Variants in FOXP1 observed in about 807,000 individuals in gnomAD.
The protein encoded by FOXP1 is forkhead box P1.
Under a neutral mutation model 98.2 loss-of-function variants are expected in FOXP1, and 15 were observed. The ratio of observed to expected loss-of-function variants is 0.15; its 90% CI spans 0.10 to 0.24. The LOEUF is 0.24. Among genes scored for constraint, FOXP1 ranks in the 10% least tolerant of loss-of-function variants. FOXP1 has a pLI of 1.00. For synonymous variants in FOXP1, 371 were observed against 314.5 expected (o/e 1.18, Z -1.90); for missense variants, 633 against 848.5 (o/e 0.75, Z 3.15).
At chr3:71,397,031 TATGTGTATATATATATACAC>T (rs2081512654) in intron 3 of FOXP1, among the ~76,000 whole-genome samples, 1 of 101,746 alleles carries the variant, frequency 9.8e-6, no homozygotes, top group Non-Finnish European at 1.9e-5. Flanking sequence ...TATACATATA[TATGTGTATATATATATACAC>T]ATATATATGT....
chr3:70,989,854 G>A (rs2040336829), intron 13 of FOXP1, among the ~76,000 whole-genome samples: 1 of 152,042 alleles, frequency 6.6e-6, no homozygotes, highest in African/African-American at 2.4e-5. Flanking sequence ...CACTAAGTGT[G>A]GTATAAGGAA....
chr3:71,340,009 A>G, intron 4 of FOXP1, among the ~76,000 whole-genome samples: 1 of 152,232 alleles, frequency 6.6e-6, no homozygotes, highest in East Asian at 1.9e-4. Flanking sequence ...ACAATAATAA[A>G]AAGGCTGAAG....
chr3:71,529,197 A>G (rs1034795332), intron 2 of FOXP1, among the ~76,000 whole-genome samples: 6 of 152,226 alleles, frequency 3.9e-5, no homozygotes, highest in African/African-American at 1.2e-4. Context: ...GTGACTTGAC[A>G]AAAAGTTTTC....
intron 5 of FOXP1, among the ~76,000 whole-genome samples, chr3:71,298,340 C>T (rs908433750): frequency 1.3e-5 from 2 of 152,064 alleles, no homozygotes; most frequent in African/African-American, 4.8e-5. Flanking sequence ...TGGCGACTGC[C>T]TGTAATCCCA....
chr3:71,354,502 T>C lies in FOXP1; in HGVS notation c.-73+4648A>G, dbSNP rs144457749. 8.8e-4 allele frequency among the ~76,000 whole-genome samples: 134 copies of C among 152,350 alleles called. 1 individual carries two copies. The highest frequency in any genetic ancestry group is 3.2e-3 in the African/African-American group (132 of 41,582). The stretch of plus-strand genomic sequence containing the variant: ...ATTGCAGCGCTTGAGGTTTCTAGCA[T>C]GTGCTACCTGAGACAGGTCATGAGC... On this transcript the variant is annotated intron_variant, in intron 4 of 20. Transcript: ENST00000649528.
intron 11 of FOXP1, among the ~76,000 whole-genome samples, chr3:71,018,339 C>T (rs952447014): frequency 2.6e-5 from 4 of 152,204 alleles, no homozygotes; most frequent in Admixed American, 6.5e-5. Context: ...AACTCATACT[C>T]GTCACACACG....
intron 11 of FOXP1, among the ~76,000 whole-genome samples, chr3:71,030,802 A>G (rs1320318075): frequency 1.3e-5 from 2 of 152,002 alleles, no homozygotes; most frequent in African/African-American, 4.8e-5. Context: ...CTTGGTGTCA[A>G]TTTTTTTCTA....
intron 6 of FOXP1, among the ~76,000 whole-genome samples, chr3:71,192,925 C>T (rs2063077007): frequency 6.6e-6 from 1 of 152,198 alleles, no homozygotes; most frequent in Non-Finnish European, 1.5e-5. Context: ...GGTGGGATTA[C>T]AGGCATGAGA....
chr3:71,543,341 T>C (rs1197039065), intron 2 of FOXP1: 2 of 152,254 alleles, frequency 1.3e-5, no homozygotes, highest in East Asian at 3.8e-4. Context: ...AGCCAAATTG[T>C]ACTACGCACG....
In FOXP1 at chr3:71,379,510, G is replaced by T. The variant is rs542806327; in HGVS notation, c.-167-20266C>A. On this transcript the variant is annotated intron_variant, in intron 3 of 20. Coordinates refer to ENST00000649528, the MANE Select transcript of FOXP1 (RefSeq NM_001349338.3). Reference sequence around the variant, plus strand: ...AGGCAGCAAGAATTTCATACCAGGGGTCAGCAAATTACAGTCCACGGGCCA... The same window carrying T: ...AGGCAGCAAGAATTTCATACCAGGGTTCAGCAAATTACAGTCCACGGGCCA... Among the ~76,000 whole-genome samples, 119 of 151,998 alleles carry T rather than the reference G, an allele frequency of 7.8e-4. 1 individual carries two copies. The highest frequency in any genetic ancestry group is 1.5e-3 in the Non-Finnish European group (100 of 68,002).
At chr3:71,447,319 T>C (rs954091163) in intron 3 of FOXP1, among the ~76,000 whole-genome samples, 1 of 152,218 alleles carries the variant, frequency 6.6e-6, no homozygotes, top group African/African-American at 2.4e-5. Context: ...AGCTAGTTTA[T>C]GAGGCACCCC....
At chr3:71,330,491 G>A (rs1319398718) in intron 4 of FOXP1, among the ~76,000 whole-genome samples, 1 of 152,168 alleles carries the variant, frequency 6.6e-6, no homozygotes, top group African/African-American at 2.4e-5. Flanking sequence ...CAAAAATAAA[G>A]AAGTGGAAGT....
rs574403206 is a variant in FOXP1, at chr3:71,512,773, G to A, written c.-297-19218C>T. ...CCATTCTGTCCCACATCCTGGTGCC[G>A]TCATCTCTTCCCACACACAGTAATG... On this transcript the variant is annotated intron_variant, in intron 2 of 20. Coordinates refer to ENST00000649528, the MANE Select transcript of FOXP1 (RefSeq NM_001349338.3). Among the ~76,000 whole-genome samples the A allele has an allele frequency of 4.6e-5, 7 of 152,256 alleles. No homozygotes were observed. The East Asian group carries it at 5.8e-4, about 13-fold the overall frequency.
chr3:71,466,586 T>C (rs905366751), intron 3 of FOXP1, among the ~76,000 whole-genome samples: 2 of 151,856 alleles, frequency 1.3e-5, no homozygotes, highest in African/African-American at 4.8e-5. Flanking sequence ...TTCAGCGGAA[T>C]TTTTTTTTCC....
intron 13 of FOXP1, among the ~76,000 whole-genome samples, chr3:70,990,527 T>C (rs2040441959): frequency 6.6e-6 from 1 of 152,206 alleles, no homozygotes; most frequent in Non-Finnish European, 1.5e-5. Context: ...ACATTTAATA[T>C]TAGCAAGCAT....
intron 4 of FOXP1, among the ~76,000 whole-genome samples, chr3:71,350,855 T>C (rs2077729442): frequency 6.6e-6 from 1 of 152,158 alleles, no homozygotes; most frequent in Admixed American, 6.5e-5. Context: ...AAACCAGCAC[T>C]CTTTTCACCT....
chr3:71,261,470 G>A (rs1012460740), intron 5 of FOXP1, among the ~76,000 whole-genome samples: 1 of 150,932 alleles, frequency 6.6e-6, no homozygotes, highest in African/African-American at 2.4e-5. Flanking sequence ...TTTTATTTCC[G>A]ATAGTTAGAC....
At chr3:71,571,711 A>C (rs1204115966) in intron 2 of FOXP1, 1 of 152,250 alleles carries the variant, frequency 6.6e-6, no homozygotes, top group Non-Finnish European at 1.5e-5. Flanking sequence ...AACTCTGTAC[A>C]TCAGAATTAA....
chr3:71,070,177 C>A (rs2053043215), intron 7 of FOXP1, among the ~76,000 whole-genome samples: 1 of 152,172 alleles, frequency 6.6e-6, no homozygotes, highest in African/African-American at 2.4e-5. Context: ...GACATTTAAA[C>A]AAAATGGGGG....
Sources: gnomAD v4.1 joint callset for allele counts (sites outside exome capture counted in the v4.1 genomes callset) on GRCh38, gnomAD v4.1.1 for gene constraint, MANE v1.5 for transcripts, NCBI Gene and HGNC (gene_info 2026-07-23, HGNC 2026-07-21) for gene names.